Variants in GBE1 observed in about 807,000 individuals in gnomAD.
GBE1 encodes 1,4-alpha-glucan-branching enzyme.
Under a neutral mutation model 88.8 loss-of-function variants are expected in GBE1, and 70 were observed. The observed-to-expected ratio is 0.79, with a 90% CI of 0.65 to 0.96. The LOEUF (loss-of-function observed/expected upper bound fraction) is 0.96, where lower values mean the gene tolerates loss of function less well. Ranked by LOEUF, GBE1 falls within the 40% of genes least tolerant of loss-of-function variation. The pLI, the probability that GBE1 is intolerant of heterozygous loss-of-function variation, is 0.00. For synonymous variants in GBE1, 284 were observed against 300.1 expected (o/e 0.95, Z 0.56); for missense variants, 872 against 871.0 (o/e 1.00, Z -0.01).
At chr3:81,673,618 T>C (rs1433693269) in intron 2 of GBE1, among the ~76,000 whole-genome samples, 1 of 151,940 alleles carries the variant, frequency 6.6e-6, no homozygotes. Context: ...ACTAGTTCTT[T>C]AGCTTGGTAT....
intron 1 of GBE1, among the ~76,000 whole-genome samples, chr3:81,714,035 C>T (rs577299646): frequency 3.9e-5 from 6 of 152,104 alleles, no homozygotes; most frequent in Non-Finnish European, 7.4e-5. Flanking sequence ...GACAGCATTA[C>T]GTAAGTTACT....
intron 3 of GBE1, among the ~76,000 whole-genome samples, chr3:81,655,681 T>C (rs1014988219): frequency 1.3e-5 from 2 of 151,806 alleles, no homozygotes; most frequent in Admixed American, 6.6e-5. Context: ...CACGCCCAGA[T>C]ACTTTCTGTA....
At chr3:81,730,580 T>C (rs951616836) in intron 1 of GBE1, among the ~76,000 whole-genome samples, 1 of 152,168 alleles carries the variant, frequency 6.6e-6, no homozygotes, top group Non-Finnish European at 1.5e-5. Context: ...TTCATGTCAC[T>C]GAAGCGTGGA....
intron 12 of GBE1, among the ~76,000 whole-genome samples, chr3:81,547,625 T>TTCTCTC (rs56681369): frequency 0.014 from 1,904 of 138,302 alleles, 41 homozygotes; most frequent in African/African-American, 0.042. Flanking sequence ...GGTTCGTTTG[T>TTCTCTC]TCTCTCTCTC....
chr3:81,704,128 A>C (rs1250879039), intron 2 of GBE1, among the ~76,000 whole-genome samples: 2 of 151,994 alleles, frequency 1.3e-5, no homozygotes, highest in Non-Finnish European at 2.9e-5. Context: ...ACATTGATTA[A>C]ATATTAAAAT....
At chr3:81,622,145 T>G (rs1028649936) in intron 7 of GBE1, among the ~76,000 whole-genome samples, 1 of 152,224 alleles carries the variant, frequency 6.6e-6, no homozygotes, top group Non-Finnish European at 1.5e-5. Context: ...CTACACTTGC[T>G]GCCTTCACTT....
At chr3:81,606,148 T>G (rs1234121889) in intron 7 of GBE1, among the ~76,000 whole-genome samples, 1 of 152,172 alleles carries the variant, frequency 6.6e-6, no homozygotes, top group Non-Finnish European at 1.5e-5. Context: ...GCGTTTACAA[T>G]GCTAGTGATG....
At chr3:81,560,839 T>C (rs1300998814) in intron 12 of GBE1, among the ~76,000 whole-genome samples, 1 of 152,032 alleles carries the variant, frequency 6.6e-6, no homozygotes, top group Admixed American at 6.6e-5. Flanking sequence ...TTAAGCTTAA[T>C]AGTATAGTCT....
intron 9 of GBE1, among the ~76,000 whole-genome samples, chr3:81,590,033 G>C (rs1703856657): frequency 6.6e-6 from 1 of 151,818 alleles, no homozygotes; most frequent in Admixed American, 6.6e-5. Flanking sequence ...AGGAATTTAG[G>C]GCTACTGCTT....
chr3:81,637,361 C>G (rs1350530153), intron 7 of GBE1, among the ~76,000 whole-genome samples: 1 of 152,104 alleles, frequency 6.6e-6, no homozygotes, highest in Non-Finnish European at 1.5e-5. Flanking sequence ...AGCTAAAGTA[C>G]TATGAGTAAC....
At chr3:81,739,535 T>C (rs1371727954) in intron 1 of GBE1, among the ~76,000 whole-genome samples, 1 of 152,134 alleles carries the variant, frequency 6.6e-6, no homozygotes, top group Non-Finnish European at 1.5e-5. Context: ...GAAGACAACA[T>C]ATTGCCTGGC....
intron 2 of GBE1, among the ~76,000 whole-genome samples, chr3:81,692,926 G>A (rs1392651495): frequency 1.3e-5 from 2 of 151,914 alleles, no homozygotes; most frequent in Non-Finnish European, 2.9e-5. Context: ...CATTCCTCTC[G>A]GCTCTGACTC....
chr3:81,613,065 G>T, intron 7 of GBE1: 1 of 690,842 alleles, frequency 1.4e-6, no homozygotes. Context: ...GGAGGATGAA[G>T]GAGAAGATGA....
chr3:81,540,510 A>G (rs1460936623), intron 12 of GBE1, among the ~76,000 whole-genome samples: 1 of 152,036 alleles, frequency 6.6e-6, no homozygotes, highest in Non-Finnish European at 1.5e-5. Context: ...TAAAATCATC[A>G]TTCTGAGGAG....
intron 14 of GBE1, among the ~76,000 whole-genome samples, chr3:81,508,734 C>T (rs577198322): frequency 1.1e-4 from 16 of 152,188 alleles, no homozygotes; most frequent in African/African-American, 3.9e-4. Context: ...AAAGCATTAT[C>T]TGAGCCATTT....
chr3:81,695,323 G>A (rs897893221), intron 2 of GBE1, among the ~76,000 whole-genome samples: 3 of 152,188 alleles, frequency 2.0e-5, no homozygotes, highest in African/African-American at 4.8e-5. Context: ...TGGCCATAAA[G>A]AGTACTGTTA....
intron 14 of GBE1, among the ~76,000 whole-genome samples, chr3:81,533,127 T>C (rs1241165856): frequency 6.6e-6 from 1 of 152,072 alleles, no homozygotes; most frequent in Non-Finnish European, 1.5e-5. Context: ...AAGTAGATAC[T>C]AGTATTCTGT....
intron 12 of GBE1, among the ~76,000 whole-genome samples, chr3:81,573,329 T>TA (rs1703599542): frequency 6.6e-6 from 1 of 152,212 alleles, no homozygotes; most frequent in Admixed American, 6.5e-5. Context: ...TACTCTTACT[T>TA]AGACTATTAC....
intron 14 of GBE1, among the ~76,000 whole-genome samples, chr3:81,501,706 T>TTC (rs1296400858): frequency 1.4e-5 from 2 of 140,902 alleles, no homozygotes; most frequent in Non-Finnish European, 3.1e-5. Context: ...TTTTTTTTTT[T>TTC]TTTTTTTTTA....
Sources: allele counts gnomAD v4.1 joint callset (sites outside exome capture counted in the v4.1 genomes callset), GRCh38; gene constraint gnomAD v4.1.1; transcripts MANE v1.5; gene names NCBI Gene and HGNC (gene_info 2026-07-23, HGNC 2026-07-21).